Variants in TBK1 observed in about 807,000 individuals in gnomAD.
TBK1 encodes serine/threonine-protein kinase TBK1.
In TBK1, 37 loss-of-function variants were observed where a neutral mutation model predicts 99.9. The ratio of observed to expected loss-of-function variants is 0.37; its 90% CI spans 0.28 to 0.49. TBK1 has a LOEUF of 0.49. TBK1 is among the 20% of genes least tolerant of loss of function. The probability of loss-of-function intolerance (pLI) is 0.98; values close to 1 mark genes in which losing one functional copy is unlikely to be tolerated. For missense variants in TBK1, 644 were observed against 872.5 expected, an observed-to-expected ratio of 0.74 and a Z score of 3.30; for synonymous variants, 258 against 279.8, an observed-to-expected ratio of 0.92 and a Z score of 0.78.
At chr12:64,475,273 T>G (rs1407739086) in intron 6 of TBK1, among the ~76,000 whole-genome samples, 2 of 152,162 alleles carry the variant, frequency 1.3e-5, no homozygotes, top group Non-Finnish European at 2.9e-5. Flanking sequence ...TTTTTTTAAT[T>G]TCCATTTTTA....
intron 8 of TBK1, among the ~76,000 whole-genome samples, chr12:64,483,623 G>T (rs1394647502): frequency 6.6e-6 from 1 of 152,194 alleles, no homozygotes; most frequent in African/African-American, 2.4e-5. Flanking sequence ...TTTATAGGAA[G>T]TTAGTGGAAG....
rs1304874045 is a variant in TBK1, at chr12:64,498,049, G to A, written c.2138+10G>A. 2 of 1,596,556 alleles carry A rather than the reference G, an allele frequency of 1.3e-6. No individual in the cohort carries two copies. The highest frequency in any genetic ancestry group is 1.4e-5 in the African/African-American group (1 of 73,976). On this transcript the variant is annotated intron_variant, in intron 20 of 20. Transcript: ENST00000331710. Reference sequence around the variant, plus strand: ...ACCACATTTTAGAAAGGTGAGTAATGCAAAAATAATTACTGTGATTTTCTG... The same window carrying A: ...ACCACATTTTAGAAAGGTGAGTAATACAAAAATAATTACTGTGATTTTCTG...
chr12:64,469,720 C>T (rs1303140489), intron 5 of TBK1, among the ~76,000 whole-genome samples: 3 of 152,192 alleles, frequency 2.0e-5, no homozygotes, highest in Non-Finnish European at 4.4e-5. Flanking sequence ...GCGTGTCCTT[C>T]AAATTCAATG....
chr12:64,499,989 C>G (rs895847420), intron 20 of TBK1, among the ~76,000 whole-genome samples: 3 of 151,998 alleles, frequency 2.0e-5, no homozygotes, highest in Non-Finnish European at 4.4e-5. Flanking sequence ...AGCCACCGTG[C>G]CCAGCCAAAG....
At chr12:64,495,871 T>G in intron 15 of TBK1, 96 bp downstream of exon 15, 3 of 941,080 alleles carry the variant, frequency 3.2e-6, no homozygotes, top group South Asian at 2.3e-5. Context: ...AAGGGTAGCT[T>G]CTTAAGCTGT....
At chr12:64,498,380 T>G (rs2040951593) in intron 20 of TBK1, among the ~76,000 whole-genome samples, 1 of 152,226 alleles carries the variant, frequency 6.6e-6, no homozygotes, top group African/African-American at 2.4e-5. Context: ...GCTGAGTAGC[T>G]TACGGGGTCC....
At chr12:64,464,282 A>G in intron 3 of TBK1, 52 bp from the exon 4 acceptor site, 1 of 1,468,166 alleles carries the variant, frequency 6.8e-7, no homozygotes, top group Non-Finnish European at 9.2e-7. Context: ...ACTGGCATAT[A>G]ATCAAAATTT....
Position 64,495,500 on chromosome 12 carries a change from A to C in TBK1, c.1539A>C (p.Gly513=), listed in dbSNP as rs1166485816. 3 of 1,613,972 alleles carry C rather than the reference A, an allele frequency of 1.9e-6. No individual in the cohort carries two copies. The highest frequency in any genetic ancestry group is 2.5e-6 in the Non-Finnish European group (3 of 1,179,916). Residue 513 remains glycine (G), a synonymous_variant, in exon 14 of 21, where the codon GGA becomes GGC. Transcript: ENST00000331710. ...TTATTTAGCTTTCCAGTTCTCAGGG[A>C]ACAATAGAAACCAGTCTTCAGGATA... ...TKLLRLSSSQ[G]TIETSLQDID... is the part of the protein sequence containing the mutation.
rs777620452 is a variant in TBK1, at chr12:64,460,233, C to T, written c.132C>T (p.Ser44=). Residue 44 remains serine, a synonymous_variant, in exon 3 of 21, where the codon AGC becomes AGT. Coordinates refer to ENST00000331710, the MANE Select transcript of TBK1 (RefSeq NM_013254.4). The part of the protein sequence containing the change: ...LFAIKVFNNI[S]FLRPVDVQMR... ...CTATCAAAGTATTTAATAACATAAG[C>T]TTCCTTCGTCCAGTGGATGTTCAAA... 6.4e-7 allele frequency: 1 copy of T among 1,568,664 alleles called. No homozygotes were observed. The highest frequency in any genetic ancestry group is 1.2e-5 in the South Asian group (1 of 83,138).
Position 64,501,341 on chromosome 12 carries a change from T to C in TBK1, c.2150T>C (p.Leu717Ser). The change falls in exon 21 of 21, where the codon TTA becomes TCA. Residue 717 changes from leucine (L) to serine (S), a missense_variant. By Grantham distance (145) the Leu-to-Ser change is moderately radical (BLOSUM62 -2). Coordinates refer to ENST00000331710, the MANE Select transcript of TBK1 (RefSeq NM_013254.4). ...TGTGTGTGTTTTAGGTTTGGCTCTT[T>C]AACCATGGATGGTGGCCTTCGCAAC... is the stretch of plus-strand genomic sequence containing the variant. ...NNHILERFGS[L>S]TMDGGLRNVD... The C allele has an allele frequency of 6.2e-7, 1 of 1,614,104 alleles. No homozygotes were observed. The highest frequency in any genetic ancestry group is 1.3e-5 in the African/African-American group (1 of 75,064).
At chr12:64,457,205 G>C (rs1448018199) in intron 2 of TBK1, among the ~76,000 whole-genome samples, 1 of 152,124 alleles carries the variant, frequency 6.6e-6, no homozygotes, top group African/African-American at 2.4e-5. Flanking sequence ...AGCGTACATG[G>C]GGGAGGGGCT....
At chr12:64,466,607 T>C (rs1454841166) in intron 4 of TBK1, among the ~76,000 whole-genome samples, 1 of 152,096 alleles carries the variant, frequency 6.6e-6, no homozygotes, top group African/African-American at 2.4e-5. Flanking sequence ...ACCAAAGTAA[T>C]TCAAGAAATC....
chr12:64,483,519 T>C (rs1565820064), intron 8 of TBK1, among the ~76,000 whole-genome samples: 1 of 152,220 alleles, frequency 6.6e-6, no homozygotes, highest in Non-Finnish European at 1.5e-5. Flanking sequence ...ATTTAAGCCA[T>C]TTAATCCTCA....
At chr12:64,481,696 A>G in intron 7 of TBK1, 146 bp from the exon 8 acceptor site, 1 of 517,016 alleles carries the variant, frequency 1.9e-6, no homozygotes, top group Non-Finnish European at 3.0e-6. Context: ...AGCTTTCTGA[A>G]AAGTTGACAG....
chr12:64,465,424 G>A (rs1394572052), intron 4 of TBK1, among the ~76,000 whole-genome samples: 1 of 151,312 alleles, frequency 6.6e-6, no homozygotes, highest in African/African-American at 2.4e-5. Context: ...CCACTGCTAC[G>A]TATATACCCC....
At chr12:64,489,051 C>CA (rs2040844912) in intron 12 of TBK1, among the ~76,000 whole-genome samples, 1 of 152,114 alleles carries the variant, frequency 6.6e-6, no homozygotes, top group Admixed American at 6.6e-5. Flanking sequence ...ATCACAAAGG[C>CA]AAAAATGCCA....
intron 5 of TBK1, among the ~76,000 whole-genome samples, chr12:64,468,154 A>G (rs553004961): frequency 1.6e-4 from 24 of 152,198 alleles, no homozygotes; most frequent in South Asian, 2.1e-4. Flanking sequence ...CACCACTGCA[A>G]TCTGGCCTGG....
Position 64,499,206 on chromosome 12 carries a change from G to A in TBK1, c.2138+1167G>A, listed in dbSNP as rs564526553. Reference sequence around the variant, plus strand: ...TTACAGGCGCCCACCACCACACCCAGCTAGTTTTTTGTATTTTTAGTAGAG... The same window carrying A: ...TTACAGGCGCCCACCACCACACCCAACTAGTTTTTTGTATTTTTAGTAGAG... On this transcript the variant is annotated intron_variant, in intron 20 of 20. Coordinates refer to ENST00000331710, the MANE Select transcript of TBK1 (RefSeq NM_013254.4). Among the ~76,000 whole-genome samples the A allele has an allele frequency of 2.3e-4, 35 of 151,392 alleles. No individual in the cohort carries two copies. The South Asian group carries it at 7.1e-3, about 31-fold the overall frequency.
chr12:64,500,546 G>C (rs1012809845), intron 20 of TBK1, among the ~76,000 whole-genome samples: 1 of 151,800 alleles, frequency 6.6e-6, no homozygotes, highest in East Asian at 1.9e-4. Flanking sequence ...TGATGTAATC[G>C]TATGACTTCT....
Sources: allele counts gnomAD v4.1 joint callset (sites outside exome capture counted in the v4.1 genomes callset), GRCh38; gene constraint gnomAD v4.1.1; transcripts MANE v1.5; gene names NCBI Gene and HGNC (gene_info 2026-07-23, HGNC 2026-07-21).